The following COLEC12 variants were observed in gnomAD, a reference collection of about 807,000 sequenced individuals.
COLEC12 encodes the protein collectin-12.
COLEC12 carries 33 observed loss-of-function variants against 71.1 expected under a neutral mutation model. That is an observed-to-expected ratio of 0.46 (90% CI 0.35 to 0.62). COLEC12 has a LOEUF of 0.62. Among genes scored for constraint, COLEC12 ranks in the 20% least tolerant of loss-of-function variants. The pLI is 0.00. For synonymous variants in COLEC12, 350 were observed against 353.0 expected, an observed-to-expected ratio of 0.99 and a Z score of 0.10; for missense variants, 765 against 916.1, an observed-to-expected ratio of 0.84 and a Z score of 2.13.
chr18:440,360 AACACAC>A (rs77004542), intron 2 of COLEC12, among the ~76,000 whole-genome samples: 2 of 118,746 alleles, frequency 1.7e-5, no homozygotes, highest in African/African-American at 6.6e-5. Context: ...AAATGTTCTC[AACACAC>A]ACACACACAC....
chr18:492,335 C>T (rs1360890181), intron 1 of COLEC12, among the ~76,000 whole-genome samples: 1 of 152,158 alleles, frequency 6.6e-6, no homozygotes, highest in East Asian at 1.9e-4. Context: ...CTATTCCTTC[C>T]TTTACAGTCT....
At chr18:329,299 T>C (rs1913916558) in intron 8 of COLEC12, among the ~76,000 whole-genome samples, 3 of 152,148 alleles carry the variant, frequency 2.0e-5, no homozygotes, top group Admixed American at 6.5e-5. Context: ...AGATTGAATT[T>C]CTTAGTGAGT....
chr18:397,998 A>G (rs180989597), intron 2 of COLEC12, among the ~76,000 whole-genome samples: 1 of 152,368 alleles, frequency 6.6e-6, no homozygotes, highest in Admixed American at 6.5e-5. Flanking sequence ...AAATATGTCC[A>G]AATGTCTTAA....
chr18:353,755 T>C (rs1914571750), intron 3 of COLEC12, among the ~76,000 whole-genome samples: 1 of 152,228 alleles, frequency 6.6e-6, no homozygotes, highest in South Asian at 2.1e-4. Flanking sequence ...CTCTGGGACC[T>C]GGGGCTTCCC....
intron 3 of COLEC12, among the ~76,000 whole-genome samples, chr18:352,748 A>G (rs1914551724): frequency 6.6e-6 from 1 of 152,224 alleles, no homozygotes; most frequent in Non-Finnish European, 1.5e-5. Context: ...AGCACACAGC[A>G]CTTTCATTGA....
intron 2 of COLEC12, among the ~76,000 whole-genome samples, chr18:383,422 C>A (rs562623967): frequency 6.6e-6 from 1 of 151,944 alleles, no homozygotes; most frequent in African/African-American, 2.4e-5. Context: ...CCCAACTCCC[C>A]GTATGTCTCA....
At chr18:328,205 C>T (rs1418522580) in intron 8 of COLEC12, among the ~76,000 whole-genome samples, 1 of 152,162 alleles carries the variant, frequency 6.6e-6, no homozygotes. Flanking sequence ...ATAATCGTCT[C>T]CTGCGATGAT....
At chr18:336,623 G>A (rs796382949) in intron 5 of COLEC12, among the ~76,000 whole-genome samples, 7 of 152,226 alleles carry the variant, frequency 4.6e-5, no homozygotes, top group African/African-American at 1.7e-4. Context: ...GCATAAATGA[G>A]GACATGTAGG....
chr18:389,822 T>C (rs1208060648), intron 2 of COLEC12, among the ~76,000 whole-genome samples: 1 of 151,954 alleles, frequency 6.6e-6, no homozygotes, highest in African/African-American at 2.4e-5. Context: ...CTCAGAAGAG[T>C]ACTTCTGAAA....
intron 2 of COLEC12, among the ~76,000 whole-genome samples, chr18:415,471 C>G (rs764453936): frequency 6.6e-6 from 1 of 151,978 alleles, no homozygotes; most frequent in Admixed American, 6.6e-5. Flanking sequence ...AACTCCTTAC[C>G]ACCCTCCTCA....
chr18:456,592 G>A (rs915040141), intron 2 of COLEC12, among the ~76,000 whole-genome samples: 2 of 152,212 alleles, frequency 1.3e-5, no homozygotes, highest in African/African-American at 4.8e-5. Context: ...CGCTTAGGAA[G>A]GTCACAAACC....
chr18:387,860 GACC>G (rs957680978), intron 2 of COLEC12, among the ~76,000 whole-genome samples: 23 of 152,108 alleles, frequency 1.5e-4, no homozygotes, highest in African/African-American at 5.3e-4. Flanking sequence ...ACAAAACTGG[GACC>G]ACATTAAGCA....
intron 2 of COLEC12, among the ~76,000 whole-genome samples, chr18:404,901 A>G (rs1915756311): frequency 6.6e-6 from 1 of 152,168 alleles, no homozygotes. Context: ...AAAGAGCCTT[A>G]TTTTTCTTCT....
At chr18:372,417 TTTTG>T (rs1039929438) in intron 2 of COLEC12, among the ~76,000 whole-genome samples, 2 of 151,666 alleles carry the variant, frequency 1.3e-5, no homozygotes, top group South Asian at 2.1e-4. Context: ...AAAGAGTGTT[TTTTG>T]TTTGTTTGTT....
intron 5 of COLEC12, among the ~76,000 whole-genome samples, chr18:345,678 T>C: frequency 6.6e-6 from 1 of 152,234 alleles, no homozygotes; most frequent in East Asian, 1.9e-4. Flanking sequence ...AGGAGCTTGA[T>C]TTATATTGCA....
intron 2 of COLEC12, among the ~76,000 whole-genome samples, chr18:473,680 A>G (rs996808867): frequency 6.6e-5 from 10 of 152,186 alleles, no homozygotes; most frequent in African/African-American, 2.4e-4. Flanking sequence ...ATATCTTTTA[A>G]GAAACGTTTC....
chr18:388,506 C>T (rs768618293), intron 2 of COLEC12, among the ~76,000 whole-genome samples: 3 of 152,192 alleles, frequency 2.0e-5, no homozygotes, highest in Non-Finnish European at 4.4e-5. Flanking sequence ...CTTTATGAAA[C>T]GATTCACTTG....
chr18:464,044 A>T (rs192850324), intron 2 of COLEC12, among the ~76,000 whole-genome samples: 1 of 151,926 alleles, frequency 6.6e-6, no homozygotes, highest in African/African-American at 2.4e-5. Context: ...ATCCCCACCC[A>T]CACCCTGAGC....
rs1347179784 is a variant in COLEC12, at chr18:335,144, T to C, written c.1414A>G (p.Lys472Glu). 2.5e-6 allele frequency: 4 copies of C among 1,612,350 alleles called. No homozygotes were observed. Among genetic ancestry groups the C allele is most frequent in the African/African-American group, 2.7e-5 (2 of 74,720 alleles). The change falls in exon 6 of 10, where the codon AAG (lysine) becomes GAG (glutamate). Residue 472 changes from lysine to glutamate, a missense_variant. Coordinates refer to ENST00000400256, the MANE Select transcript of COLEC12 (RefSeq NM_130386.3). ...GGGCCAGGTGGTCCAGGCTCCCCCT[T>C]CTCTCCTTTCTGTCCCTTGTTGCCA... The part of the protein sequence containing the change: ...PTGNKGQKGE[K>E]GEPGPPGPAG...
Sources: allele counts gnomAD v4.1 joint callset (sites outside exome capture counted in the v4.1 genomes callset), GRCh38; gene constraint gnomAD v4.1.1; transcripts MANE v1.5; gene names NCBI Gene and HGNC (gene_info 2026-07-23, HGNC 2026-07-21).